Variants in SFMBT1 observed in about 807,000 individuals in gnomAD.
The protein encoded by SFMBT1 is scm-like with four MBT domains protein 1.
SFMBT1 carries 32 observed loss-of-function variants against 108.7 expected under a neutral mutation model. The observed-to-expected ratio is 0.29, with a 90% confidence interval of 0.22 to 0.40. The LOEUF (loss-of-function observed/expected upper bound fraction) is 0.40. Among genes scored for constraint, SFMBT1 ranks in the 10% least tolerant of loss-of-function variants. The pLI, the probability that SFMBT1 is intolerant of heterozygous loss-of-function variation, is 1.00. For missense variants in SFMBT1, 816 were observed against 1,059.6 expected, an observed-to-expected ratio of 0.77 and a Z score of 3.19; for synonymous variants, 348 against 369.5, an observed-to-expected ratio of 0.94 and a Z score of 0.67.
chr3:53,025,423 T>C (rs1346480171), intron 1 of SFMBT1, among the ~76,000 whole-genome samples: 2 of 152,110 alleles, frequency 1.3e-5, no homozygotes, highest in Non-Finnish European at 2.9e-5. Context: ...GCCTGGGCAA[T>C]GTTGGGAGAC....
chr3:53,037,119 G>A (rs1575454656), intron 1 of SFMBT1, among the ~76,000 whole-genome samples: 1 of 152,218 alleles, frequency 6.6e-6, no homozygotes, highest in African/African-American at 2.4e-5. Flanking sequence ...AGGAGTAAAA[G>A]TCAATGGCTA....
intron 1 of SFMBT1, among the ~76,000 whole-genome samples, chr3:53,042,845 T>G (rs1700100759): frequency 6.6e-6 from 1 of 152,248 alleles, no homozygotes; most frequent in Non-Finnish European, 1.5e-5. Context: ...GTATCAATAA[T>G]AGCTAAGTCA....
intron 1 of SFMBT1, among the ~76,000 whole-genome samples, chr3:52,977,388 G>A (rs1042346217): frequency 1.3e-5 from 2 of 152,118 alleles, no homozygotes; most frequent in Non-Finnish European, 2.9e-5. Flanking sequence ...GCGGGCGCCT[G>A]TAATCCCAGC....
intron 1 of SFMBT1, among the ~76,000 whole-genome samples, chr3:53,042,189 G>A (rs1347961703): frequency 1.3e-5 from 2 of 152,194 alleles, no homozygotes; most frequent in Non-Finnish European, 1.5e-5. Context: ...AGCCAATGAA[G>A]TTTGTATAGT....
At chr3:52,997,716 A>G (rs1214806611) in intron 1 of SFMBT1, among the ~76,000 whole-genome samples, 1 of 150,496 alleles carries the variant, frequency 6.6e-6, no homozygotes, top group East Asian at 1.9e-4. Context: ...TAGAAAATAC[A>G]TCAGTGGTTT....
chr3:52,949,568 CTT>C (rs59842273), intron 3 of SFMBT1, among the ~76,000 whole-genome samples: 308 of 77,330 alleles, frequency 4.0e-3, no homozygotes, highest in African/African-American at 0.016. Flanking sequence ...TAATGTCCTT[CTT>C]TTTTTTTTTT....
chr3:53,013,209 T>C (rs1291310178), intron 1 of SFMBT1, among the ~76,000 whole-genome samples: 1 of 151,698 alleles, frequency 6.6e-6, no homozygotes, highest in Non-Finnish European at 1.5e-5. Flanking sequence ...TAAGTTGAGA[T>C]AGTACAATTC....
chr3:52,976,284 G>C (rs559544380), intron 1 of SFMBT1, among the ~76,000 whole-genome samples: 1 of 152,196 alleles, frequency 6.6e-6, no homozygotes, highest in East Asian at 1.9e-4. Context: ...ATTAGCATAA[G>C]AAAAGACAAA....
In SFMBT1 at chr3:52,958,154, A is replaced by T. The variant is rs144634888; in HGVS notation, c.29-3743T>A. Among the ~76,000 whole-genome samples the T allele has an allele frequency of 2.2e-3, 328 of 152,346 alleles. 1 individual carries two copies. The highest frequency in any genetic ancestry group is 7.4e-3 in the African/African-American group (308 of 41,588). ...CCCCATTAAAAAGCGGACAAAGGAC[A>T]TGAACAGACACCTTACAAAAGAAGA... On this transcript the variant is annotated intron_variant, in intron 2 of 20. Transcript: ENST00000394752.
chr3:53,033,143 A>G (rs1188791723), intron 1 of SFMBT1, among the ~76,000 whole-genome samples: 1 of 152,052 alleles, frequency 6.6e-6, no homozygotes, highest in Admixed American at 6.6e-5. Context: ...CCCTGCTTCT[A>G]CAAAATTTTT....
At chr3:52,974,389 C>T (rs1430637964) in intron 1 of SFMBT1, among the ~76,000 whole-genome samples, 1 of 152,114 alleles carries the variant, frequency 6.6e-6, no homozygotes, top group Non-Finnish European at 1.5e-5. Context: ...GTAGAGTCAC[C>T]TTATATTTCC....
At chr3:52,956,113 T>C (rs1703772437) in intron 2 of SFMBT1, among the ~76,000 whole-genome samples, 2 of 152,182 alleles carry the variant, frequency 1.3e-5, no homozygotes, top group South Asian at 4.1e-4. Context: ...ACCACATGAT[T>C]ATCTCAAAAG....
rs1443619031 is a variant in SFMBT1, at chr3:52,912,523, A to G, written c.1730+15T>C. 1 of 1,602,394 alleles carries G rather than the reference A, an allele frequency of 6.2e-7. No individual in the cohort carries two copies. The highest frequency in any genetic ancestry group is 1.1e-5 in the South Asian group (1 of 90,876). On this transcript the variant is annotated intron_variant, in intron 16 of 20. Transcript: ENST00000394752. ...ACAAGTAAAAGTAAAGAGTAAAAAC[A>G]AGTAGTCCACTCACTTGGCTTTTAG... is the stretch of plus-strand genomic sequence containing the variant.
intron 2 of SFMBT1, among the ~76,000 whole-genome samples, chr3:52,967,397 T>C (rs1704183762): frequency 6.6e-6 from 1 of 152,080 alleles, no homozygotes; most frequent in South Asian, 2.1e-4. Context: ...AGAAAGTAGA[T>C]TATGGATGTC....
chr3:53,042,490 C>A (rs1331113324), intron 1 of SFMBT1, among the ~76,000 whole-genome samples: 2 of 152,158 alleles, frequency 1.3e-5, no homozygotes, highest in Non-Finnish European at 2.9e-5. Context: ...TAGGTGCCCA[C>A]CACCGCGCCT....
chr3:53,014,959 C>T (rs2106933962), intron 1 of SFMBT1, among the ~76,000 whole-genome samples: 1 of 152,300 alleles, frequency 6.6e-6, no homozygotes, highest in African/African-American at 2.4e-5. Context: ...GTGGCTCATG[C>T]CTGTAATCCC....
chr3:52,983,670 G>A (rs1026392212), intron 1 of SFMBT1, among the ~76,000 whole-genome samples: 2 of 152,184 alleles, frequency 1.3e-5, no homozygotes, highest in African/African-American at 2.4e-5. Flanking sequence ...ACGTGCGGAA[G>A]AATATTCAAG....
In SFMBT1 at chr3:52,907,280, T is replaced by C. The variant is rs778072999; in HGVS notation, c.2120A>G (p.Glu707Gly). 1 of 1,613,876 alleles carries C rather than the reference T, an allele frequency of 6.2e-7. No individual in the cohort carries two copies. Among genetic ancestry groups the C allele is most frequent in the Non-Finnish European group, 8.5e-7 (1 of 1,180,022 alleles). Residue 707 changes from glutamate (E) to glycine (G), a missense_variant, in exon 19 of 21, where the codon GAA becomes GGA. Coordinates refer to ENST00000394752, the MANE Select transcript of SFMBT1 (RefSeq NM_016329.4). Reference protein sequence around the residue: ...SGGEDEDDPDEGDDDSLSEGS... With the variant: ...SGGEDEDDPDGGDDDSLSEGS... ...TTCACTTAGGGAATCATCATCCCCT[T>C]CATCTGGGTCATCCTCATCTTCACC...
intron 1 of SFMBT1, among the ~76,000 whole-genome samples, chr3:52,994,791 C>T (rs528645306): frequency 2.7e-5 from 4 of 150,228 alleles, no homozygotes; most frequent in East Asian, 3.9e-4. Flanking sequence ...TGAGCCACTA[C>T]GCCCCGCCTA....
Sources: allele counts gnomAD v4.1 joint callset (sites outside exome capture counted in the v4.1 genomes callset), GRCh38; gene constraint gnomAD v4.1.1; transcripts MANE v1.5; gene names NCBI Gene and HGNC (gene_info 2026-07-23, HGNC 2026-07-21).